The following NLGN4X variants were observed in gnomAD, a reference collection of about 807,000 sequenced individuals.
The protein encoded by NLGN4X is neuroligin-4, X-linked.
Under a neutral mutation model 40.3 loss-of-function variants are expected in NLGN4X, and 3 were observed. The observed-to-expected ratio is 0.07, with a 90% CI of 0.03 to 0.19. The LOEUF (loss-of-function observed/expected upper bound fraction) is 0.19. Ranked by LOEUF, NLGN4X falls within the 10% of genes least tolerant of loss-of-function variation. The pLI, the probability that NLGN4X is intolerant of heterozygous loss-of-function variation, is 1.00. For synonymous variants in NLGN4X, 270 were observed against 306.8 expected, an observed-to-expected ratio of 0.88 and a Z score of 1.25; for missense variants, 382 against 708.3, an observed-to-expected ratio of 0.54 and a Z score of 5.23.
intron 2 of NLGN4X, among the ~76,000 whole-genome samples, chrX:6,133,380 C>G (rs752995836): frequency 6.2e-5 from 7 of 112,119 alleles, no homozygotes; most frequent in Non-Finnish European, 1.1e-4. Flanking sequence ...TGCACACACA[C>G]CTCCTAATTT....
chrX:5,941,131 CAA>C (rs5901305), intron 3 of NLGN4X, among the ~76,000 whole-genome samples: 32 of 50,761 alleles, frequency 6.3e-4, no homozygotes, highest in East Asian at 4.1e-3. Context: ...CTCCCTCCTA[CAA>C]AAAAAAAAAA....
chrX:6,153,478 A>G (rs779799892), intron 1 of NLGN4X, among the ~76,000 whole-genome samples: 13 of 112,495 alleles, frequency 1.2e-4, no homozygotes, highest in African/African-American at 4.2e-4. Flanking sequence ...TAAGAGACAG[A>G]CAAGAAAAAC....
intron 2 of NLGN4X, among the ~76,000 whole-genome samples, chrX:6,146,882 T>G (rs1396249741): frequency 9.0e-6 from 1 of 110,548 alleles, no homozygotes; most frequent in East Asian, 2.9e-4. Context: ...CCTCCACCTC[T>G]CGAGTTCAGG....
intron 3 of NLGN4X, among the ~76,000 whole-genome samples, chrX:5,912,794 G>GGCA (rs2032541652): frequency 9.7e-6 from 1 of 102,677 alleles, no homozygotes; most frequent in African/African-American, 3.6e-5. Flanking sequence ...GCAAGGAACA[G>GGCA]GCAGCACACT....
chrX:6,179,820 A>G (rs183972607), intron 1 of NLGN4X, among the ~76,000 whole-genome samples: 1 of 112,058 alleles, frequency 8.9e-6, no homozygotes, highest in East Asian at 2.8e-4. Flanking sequence ...CCACTTGCAA[A>G]AAGAAGACAG....
chrX:5,979,321 T>G (rs936227437), intron 3 of NLGN4X, among the ~76,000 whole-genome samples: 1 of 111,553 alleles, frequency 9.0e-6, no homozygotes, highest in African/African-American at 3.3e-5. Flanking sequence ...GTTCTTGGTC[T>G]TGGTATGGAC....
intron 3 of NLGN4X, among the ~76,000 whole-genome samples, chrX:6,008,261 A>C (rs1341626162): frequency 8.9e-6 from 1 of 112,088 alleles, no homozygotes; most frequent in Non-Finnish European, 1.9e-5. Flanking sequence ...TCCTCTTCCA[A>C]GCACCAGCAA....
chrX:6,135,550 A>G (rs1243852793), intron 2 of NLGN4X, among the ~76,000 whole-genome samples: 3 of 111,285 alleles, frequency 2.7e-5, no homozygotes, highest in Non-Finnish European at 3.8e-5. Context: ...TCTTACTTCC[A>G]TCTACCCTAA....
chrX:6,204,220 C>T (rs1353858773), intron 1 of NLGN4X, among the ~76,000 whole-genome samples: 1 of 112,300 alleles, frequency 8.9e-6, no homozygotes, highest in African/African-American at 3.2e-5. Context: ...ACCAGACCTT[C>T]GTTTGAGAAG....
chrX:6,082,869 C>A (rs2038384860), intron 2 of NLGN4X, among the ~76,000 whole-genome samples: 2 of 107,240 alleles, frequency 1.9e-5, no homozygotes, highest in Admixed American at 2.0e-4. Flanking sequence ...GACACATGGG[C>A]AGATTAAGGA....
intron 1 of NLGN4X, among the ~76,000 whole-genome samples, chrX:6,222,929 G>GT (rs1925838606): frequency 9.0e-6 from 1 of 111,709 alleles, no homozygotes; most frequent in African/African-American, 3.3e-5. Flanking sequence ...CACCATGATT[G>GT]TAAGTTTCCT....
chrX:6,058,575 T>C (rs1284666751), intron 2 of NLGN4X, among the ~76,000 whole-genome samples: 1 of 112,181 alleles, frequency 8.9e-6, no homozygotes, highest in Non-Finnish European at 1.9e-5. Flanking sequence ...GAACATTATG[T>C]CTTTTTAGGG....
At chrX:5,979,763 T>G (rs1169006772) in intron 3 of NLGN4X, among the ~76,000 whole-genome samples, 2 of 99,872 alleles carry the variant, frequency 2.0e-5, no homozygotes, top group Non-Finnish European at 3.8e-5. Flanking sequence ...TATGTGTATA[T>G]ATACACACAT....
intron 3 of NLGN4X, among the ~76,000 whole-genome samples, chrX:5,915,203 T>G (rs903821441): frequency 1.8e-5 from 2 of 112,329 alleles, no homozygotes; most frequent in African/African-American, 6.5e-5. Context: ...AAAACAATTA[T>G]AAGAGACAAA....
intron 1 of NLGN4X, among the ~76,000 whole-genome samples, chrX:6,182,111 T>C (rs758096597): frequency 1.3e-4 from 15 of 111,688 alleles, no homozygotes; most frequent in African/African-American, 4.2e-4. Flanking sequence ...TACCAGAAGG[T>C]TGTGTGTCCT....
At chrX:5,970,977 A>C (rs1235471600) in intron 3 of NLGN4X, among the ~76,000 whole-genome samples, 1 of 111,801 alleles carries the variant, frequency 8.9e-6, no homozygotes, top group Non-Finnish European at 1.9e-5. Context: ...TACTCTCGGT[A>C]TAGATACTGT....
At chrX:6,083,757 T>C (rs1921948) in intron 2 of NLGN4X, among the ~76,000 whole-genome samples, 52,443 of 110,665 alleles carry the variant, frequency 0.47, 9,041 homozygotes, top group Admixed American at 0.52. Context: ...CACCTTTAAC[T>C]AACAGGAGGG....
At chrX:6,069,339 T>G (rs2038003604) in intron 2 of NLGN4X, among the ~76,000 whole-genome samples, 1 of 111,334 alleles carries the variant, frequency 9.0e-6, no homozygotes, top group Non-Finnish European at 1.9e-5. Flanking sequence ...GAAACTAATT[T>G]AAGAAAAGGA....
intron 2 of NLGN4X, among the ~76,000 whole-genome samples, chrX:6,063,077 T>A (rs1480950480): frequency 9.0e-6 from 1 of 111,172 alleles, no homozygotes; most frequent in Non-Finnish European, 1.9e-5. Flanking sequence ...TTCATTGAGG[T>A]TGTCATTGAC....
Sources: gnomAD v4.1 joint callset for allele counts (sites outside exome capture counted in the v4.1 genomes callset) on GRCh38, gnomAD v4.1.1 for gene constraint, MANE v1.5 for transcripts, NCBI Gene and HGNC (gene_info 2026-07-23, HGNC 2026-07-21) for gene names.